CCNY: variants seen among roughly 807,000 people sequenced by gnomAD.
The protein encoded by CCNY is cyclin-Y.
Under a neutral mutation model 42.8 loss-of-function variants are expected in CCNY, and 19 were observed. That is an observed-to-expected ratio of 0.44 (90% CI 0.31 to 0.65). The LOEUF (loss-of-function observed/expected upper bound fraction) is 0.65. Ranked by LOEUF, CCNY falls within the 30% of genes least tolerant of loss-of-function variation. The pLI is 0.07. For missense variants in CCNY, 370 were observed against 437.3 expected (o/e 0.85, Z 1.37); for synonymous variants, 165 against 162.7 (o/e 1.01, Z -0.11).
chr10:35,472,569 T>C (rs2277910), intron 1 of CCNY, among the ~76,000 whole-genome samples: 54,241 of 151,998 alleles, frequency 0.36, 9,936 homozygotes, highest in African/African-American at 0.43. Context: ...CATTACTTAG[T>C]ACCTAGTAGA....
At chr10:35,482,429 A>G (rs568722421) in intron 1 of CCNY, among the ~76,000 whole-genome samples, 2 of 152,226 alleles carry the variant, frequency 1.3e-5, no homozygotes, top group Admixed American at 6.5e-5. Flanking sequence ...CTTATTTTCT[A>G]TGGAATCAGT....
intron 3 of CCNY, among the ~76,000 whole-genome samples, chr10:35,270,625 C>G (rs767201164): frequency 6.7e-4 from 102 of 152,140 alleles, no homozygotes; most frequent in Admixed American, 6.6e-4. Context: ...CACAACAACA[C>G]CTGCCAATCA....
chr10:35,414,839 T>C (rs565313629), intron 1 of CCNY, among the ~76,000 whole-genome samples: 5 of 152,174 alleles, frequency 3.3e-5, no homozygotes, highest in South Asian at 4.2e-4. Context: ...AGGGTAACAG[T>C]CTGGTTGGAA....
At chr10:35,303,983 G>T (rs1835571205) in intron 3 of CCNY, among the ~76,000 whole-genome samples, 1 of 152,158 alleles carries the variant, frequency 6.6e-6, no homozygotes, top group Non-Finnish European at 1.5e-5. Flanking sequence ...ATCACAGTCA[G>T]CCTGGAATTA....
chr10:35,277,898 A>C (rs1835257368), intron 3 of CCNY, among the ~76,000 whole-genome samples: 2 of 151,926 alleles, frequency 1.3e-5, no homozygotes, highest in African/African-American at 4.8e-5. Flanking sequence ...GAGGCTGGGG[A>C]GGGCCCATAT....
At chr10:35,477,062 A>G (rs1285062507) in intron 1 of CCNY, among the ~76,000 whole-genome samples, 2 of 152,246 alleles carry the variant, frequency 1.3e-5, no homozygotes, top group Non-Finnish European at 2.9e-5. Context: ...TCCTGGACAC[A>G]TAGACTCTCC....
chr10:35,270,442 G>A (rs552522638), intron 3 of CCNY, among the ~76,000 whole-genome samples: 2 of 152,314 alleles, frequency 1.3e-5, no homozygotes, highest in South Asian at 4.1e-4. Context: ...CTCACATCCA[G>A]TGACATCAGA....
At chr10:35,377,750 A>T (rs191130049) in intron 1 of CCNY, among the ~76,000 whole-genome samples, 1 of 152,342 alleles carries the variant, frequency 6.6e-6, no homozygotes, top group African/African-American at 2.4e-5. Context: ...TAACATTATA[A>T]TGTAACCATT....
chr10:35,263,913 T>G (rs924707621), intron 3 of CCNY, among the ~76,000 whole-genome samples: 7 of 152,194 alleles, frequency 4.6e-5, no homozygotes, highest in African/African-American at 1.7e-4. Context: ...CTCCCTCTTC[T>G]AAGTGAGAAC....
intron 3 of CCNY, among the ~76,000 whole-genome samples, chr10:35,302,310 A>ATT (rs145385043): frequency 1.5e-4 from 18 of 120,830 alleles, no homozygotes; most frequent in African/African-American, 3.7e-4. Context: ...TGACATCTTA[A>ATT]TTTTTTTTTT....
At chr10:35,478,162 T>G (rs537424644) in intron 1 of CCNY, among the ~76,000 whole-genome samples, 1 of 148,422 alleles carries the variant, frequency 6.7e-6, no homozygotes, top group Non-Finnish European at 1.5e-5. Flanking sequence ...TGGAAGAACA[T>G]TCCATGCTCA....
At chr10:35,355,086 A>G (rs994397336) in intron 1 of CCNY, among the ~76,000 whole-genome samples, 8 of 152,206 alleles carry the variant, frequency 5.3e-5, no homozygotes, top group East Asian at 1.9e-4. Context: ...GGCTCCCCCT[A>G]TGAAAGTTGT....
intron 1 of CCNY, among the ~76,000 whole-genome samples, chr10:35,367,757 G>A (rs1836840411): frequency 6.6e-6 from 1 of 152,182 alleles, no homozygotes; most frequent in Non-Finnish European, 1.5e-5. Flanking sequence ...ACTATTGCAG[G>A]TCTGCAGTTA....
intron 3 of CCNY, among the ~76,000 whole-genome samples, chr10:35,294,981 G>A (rs1589021350): frequency 1.3e-5 from 2 of 151,884 alleles, no homozygotes; most frequent in Admixed American, 1.3e-4. Context: ...TGGCTTTTTA[G>A]CCATCTGTCT....
chr10:35,326,827 T>C (rs949818317), intron 3 of CCNY, among the ~76,000 whole-genome samples: 6 of 152,208 alleles, frequency 3.9e-5, no homozygotes, highest in African/African-American at 1.4e-4. Flanking sequence ...GGTTGGAGGC[T>C]GCACTGAGCT....
chr10:35,349,942 C>T (rs1236891927), intron 1 of CCNY, among the ~76,000 whole-genome samples: 4 of 152,310 alleles, frequency 2.6e-5, no homozygotes, highest in East Asian at 1.9e-4. Context: ...CTGCTTTCTT[C>T]GTATCTGTCA....
At chr10:35,413,374 CAGAG>C (rs995559824) in intron 1 of CCNY, among the ~76,000 whole-genome samples, 4 of 151,990 alleles carry the variant, frequency 2.6e-5, no homozygotes, top group African/African-American at 4.8e-5. Context: ...ATACAGTAGA[CAGAG>C]AGCAAAAATA....
At chr10:35,525,502 C>T (rs1840634402) in intron 4 of CCNY, among the ~76,000 whole-genome samples, 5 of 152,040 alleles carry the variant, frequency 3.3e-5, no homozygotes, top group Admixed American at 3.3e-4. Flanking sequence ...GAGCGGATTG[C>T]CAAGAGGTTA....
intron 1 of CCNY, among the ~76,000 whole-genome samples, chr10:35,353,533 C>T (rs1003911886): frequency 1.3e-5 from 2 of 152,160 alleles, no homozygotes; most frequent in African/African-American, 2.4e-5. Flanking sequence ...GCATCAAGGA[C>T]CTCATACTGT....
Sources: gnomAD v4.1 joint callset for allele counts (sites outside exome capture counted in the v4.1 genomes callset) on GRCh38, gnomAD v4.1.1 for gene constraint, MANE v1.5 for transcripts, NCBI Gene and HGNC (gene_info 2026-07-23, HGNC 2026-07-21) for gene names.